PALS2: variants seen among roughly 807,000 people sequenced by gnomAD.
PALS2 encodes the protein protein associated with LIN7 2, MAGUK p55 family member.
Under a neutral mutation model 61.6 loss-of-function variants are expected in PALS2, and 27 were observed. The observed-to-expected ratio is 0.44, with a 90% confidence interval of 0.32 to 0.60. The LOEUF is 0.60. PALS2 is among the 20% of genes least tolerant of loss of function. The probability of loss-of-function intolerance (pLI) is 0.05; values close to 1 mark genes in which losing one functional copy is unlikely to be tolerated. For missense variants in PALS2, 554 were observed against 639.4 expected, an observed-to-expected ratio of 0.87 and a Z score of 1.44; for synonymous variants, 236 against 218.6, an observed-to-expected ratio of 1.08 and a Z score of -0.70.
chr7:24,653,147 C>T (rs1786247456), intron 5 of PALS2, among the ~76,000 whole-genome samples: 1 of 152,074 alleles, frequency 6.6e-6, no homozygotes, highest in Non-Finnish European at 1.5e-5. Context: ...ATTAAAAATT[C>T]TCAACAAAAT....
Position 24,590,845 on chromosome 7 carries a change from C to CT in PALS2, c.-3+17267dup, listed in dbSNP as rs35467271. On this transcript the variant is annotated intron_variant, in intron 1 of 11. Transcript: ENST00000222644. The stretch of plus-strand genomic sequence containing the variant: ...TGGCTCACAGGGATATTCTTGGGGA[C>CT]TTTTTTTTTTTTTTTGAGGGGATGT... Among the ~76,000 whole-genome samples, 627 of 133,164 alleles carry CT rather than the reference C, an allele frequency of 4.7e-3. 2 individuals are homozygous for CT. Among genetic ancestry groups the CT allele is most frequent in the East Asian group, 9.9e-3 (47 of 4,728 alleles). 87.4% of individuals were successfully genotyped at this position (133,164 alleles called of 152,430 possible). A position where few individuals can be genotyped will look rare whatever the true frequency, so the allele number is the denominator to read the frequency against.
At chr7:24,625,609 G>A (rs1784707065) in intron 2 of PALS2, among the ~76,000 whole-genome samples, 1 of 152,092 alleles carries the variant, frequency 6.6e-6, no homozygotes, top group Middle Eastern at 3.2e-3. Context: ...GTATGTTTGT[G>A]TATGCTTATT....
chr7:24,621,559 C>T (rs1784520930), intron 1 of PALS2, among the ~76,000 whole-genome samples: 1 of 152,024 alleles, frequency 6.6e-6, no homozygotes, highest in Non-Finnish European at 1.5e-5. Flanking sequence ...ATGGGTCAGT[C>T]ACAAAGTAGC....
At chr7:24,682,985 T>C (rs1788012065) in intron 11 of PALS2, among the ~76,000 whole-genome samples, 1 of 152,174 alleles carries the variant, frequency 6.6e-6, no homozygotes, top group Admixed American at 6.5e-5. Context: ...GAATAATTCA[T>C]AGGTGGTACT....
chr7:24,675,361 A>AT (rs970018965), intron 9 of PALS2, among the ~76,000 whole-genome samples: 5 of 148,726 alleles, frequency 3.4e-5, no homozygotes, highest in African/African-American at 1.0e-4. Flanking sequence ...AAGTTTTTTT[A>AT]TTTTTTTATT....
At chr7:24,663,840 A>C in intron 6 of PALS2, 119 bp downstream of exon 6, 1 of 1,253,510 alleles carries the variant, frequency 8.0e-7, no homozygotes, top group Non-Finnish European at 1.1e-6. Context: ...TCCCACATGA[A>C]CAGCTCCTGC....
At chr7:24,593,122 A>G (rs1783363056) in intron 1 of PALS2, among the ~76,000 whole-genome samples, 2 of 152,106 alleles carry the variant, frequency 1.3e-5, no homozygotes, top group Admixed American at 6.6e-5. Context: ...CTTTGTTGTC[A>G]TTTCAGCAAT....
chr7:24,597,060 A>G (rs532154659), intron 1 of PALS2: 24 of 152,188 alleles, frequency 1.6e-4, no homozygotes, highest in Non-Finnish European at 3.2e-4. Flanking sequence ...ATGTCGTAAT[A>G]TAAATGAGAG....
intron 5 of PALS2, among the ~76,000 whole-genome samples, chr7:24,655,549 A>G (rs1211112014): frequency 3.9e-5 from 6 of 152,166 alleles, no homozygotes; most frequent in Non-Finnish European, 1.5e-5. Flanking sequence ...TGAATCGACA[A>G]AAGCAGTCCT....
intron 1 of PALS2, among the ~76,000 whole-genome samples, chr7:24,609,223 G>A (rs767552771): frequency 6.6e-6 from 1 of 152,052 alleles, no homozygotes; most frequent in Non-Finnish European, 1.5e-5. Context: ...TATCTGATGA[G>A]GATTTCCTCT....
chr7:24,666,687 A>G (rs900050783), intron 8 of PALS2, among the ~76,000 whole-genome samples: 12 of 152,330 alleles, frequency 7.9e-5, no homozygotes, highest in Admixed American at 7.2e-4. Flanking sequence ...GAAAACATCA[A>G]GTTGTACACT....
intron 5 of PALS2, among the ~76,000 whole-genome samples, chr7:24,654,569 T>C (rs935470318): frequency 1.3e-5 from 2 of 151,946 alleles, no homozygotes; most frequent in Non-Finnish European, 2.9e-5. Context: ...ACCAAAAAAA[T>C]TCAAGACCTC....
At chr7:24,586,655 A>G (rs989866215) in intron 1 of PALS2, among the ~76,000 whole-genome samples, 1 of 152,232 alleles carries the variant, frequency 6.6e-6, no homozygotes, top group Admixed American at 6.5e-5. Flanking sequence ...ACATACCCAG[A>G]TGATAGAAAA....
At chr7:24,613,148 CTT>C (rs756014497) in intron 1 of PALS2, among the ~76,000 whole-genome samples, 1 of 151,518 alleles carries the variant, frequency 6.6e-6, no homozygotes, top group African/African-American at 2.4e-5. Flanking sequence ...AGCTTTCAGT[CTT>C]TTCTGTTTTG....
chr7:24,685,544 G>A (rs1335244483), intron 11 of PALS2, among the ~76,000 whole-genome samples: 1 of 151,442 alleles, frequency 6.6e-6, no homozygotes, highest in Admixed American at 6.6e-5. Context: ...AAATGTGCCT[G>A]CATTTTTCCA....
At chr7:24,625,213 G>A (rs1277376571) in intron 2 of PALS2, among the ~76,000 whole-genome samples, 1 of 152,012 alleles carries the variant, frequency 6.6e-6, no homozygotes, top group Non-Finnish European at 1.5e-5. Flanking sequence ...GGTTCTTATT[G>A]TACTTTTAAA....
At chr7:24,580,424 T>C (rs1782796492) in intron 1 of PALS2, among the ~76,000 whole-genome samples, 1 of 152,196 alleles carries the variant, frequency 6.6e-6, no homozygotes, top group Non-Finnish European at 1.5e-5. Flanking sequence ...TCAACAAAGC[T>C]TTTGAGGTTG....
chr7:24,657,043 A>G (rs753810408), intron 5 of PALS2, among the ~76,000 whole-genome samples: 4 of 151,980 alleles, frequency 2.6e-5, no homozygotes, highest in Non-Finnish European at 4.4e-5. Context: ...TTGTTTGGAG[A>G]TTCATTCATG....
chr7:24,663,605 C>T lies in PALS2; in HGVS notation c.667C>T (p.His223Tyr). The T allele has an allele frequency of 1.3e-6, 2 of 1,592,030 alleles. No individual in the cohort carries two copies. Among genetic ancestry groups the T allele is most frequent in the Non-Finnish European group, 8.6e-7 (1 of 1,163,026 alleles). ...ITPQQVFVKC[H>Y]FDYNPYNDNL... Reference sequence around the variant, plus strand: ...TGTGTTTTAGGTATTTGTGAAGTGTCATTTTGATTATAATCCATACAATGA... The same window carrying T: ...TGTGTTTTAGGTATTTGTGAAGTGTTATTTTGATTATAATCCATACAATGA... The change falls in exon 6 of 12, where the codon CAT becomes TAT. Residue 223 changes from histidine (H) to tyrosine (Y), a missense_variant. Transcript: ENST00000222644.
Sources: allele counts gnomAD v4.1 joint callset (sites outside exome capture counted in the v4.1 genomes callset), GRCh38; gene constraint gnomAD v4.1.1; transcripts MANE v1.5; gene names NCBI Gene and HGNC (gene_info 2026-07-23, HGNC 2026-07-21).